CNTN6: variants seen among roughly 807,000 people sequenced by gnomAD.
CNTN6 encodes contactin-6.
CNTN6 carries 137 observed loss-of-function variants against 122.8 expected under a neutral mutation model. The ratio of observed to expected loss-of-function variants is 1.12; its 90% CI spans 0.97 to 1.29. The LOEUF (loss-of-function observed/expected upper bound fraction) is 1.29. CNTN6 is among the 50% of genes most tolerant of loss of function. The pLI is 0.00. For synonymous variants in CNTN6, 570 were observed against 426.0 expected (o/e 1.34, Z -4.16); for missense variants, 1,634 against 1,223.4 (o/e 1.34, Z -5.01).
intron 17 of CNTN6, among the ~76,000 whole-genome samples, chr3:1,380,474 T>C (rs1710501224): frequency 6.6e-6 from 1 of 152,194 alleles, no homozygotes; most frequent in African/African-American, 2.4e-5. Context: ...ATGTGTATAC[T>C]CCCAAATACT....
chr3:1,219,556 C>A (rs983025792), intron 2 of CNTN6, among the ~76,000 whole-genome samples: 1 of 152,098 alleles, frequency 6.6e-6, no homozygotes, highest in Non-Finnish European at 1.5e-5. Context: ...TAGCTCCTAC[C>A]AATACAGGGA....
At chr3:1,367,299 T>C (rs1487358707) in intron 12 of CNTN6, among the ~76,000 whole-genome samples, 1 of 151,956 alleles carries the variant, frequency 6.6e-6, no homozygotes, top group Non-Finnish European at 1.5e-5. Context: ...CATCTCCTCA[T>C]TCCCCATCCC....
intron 10 of CNTN6, 27 bp from the exon 11 acceptor site, chr3:1,329,754 TAAAC>T: frequency 6.3e-7 from 1 of 1,591,236 alleles, no homozygotes; most frequent in Non-Finnish European, 8.6e-7. Context: ...ACTGAGTAAT[TAAAC>T]AATTTTGTCT....
chr3:1,220,200 G>C (rs1364573920), intron 2 of CNTN6, among the ~76,000 whole-genome samples: 1 of 151,682 alleles, frequency 6.6e-6, no homozygotes, highest in Non-Finnish European at 1.5e-5. Flanking sequence ...GCCAGGCATG[G>C]TGGCAGGCAC....
At chr3:1,375,058 A>G (rs1314083350) in intron 16 of CNTN6, among the ~76,000 whole-genome samples, 1 of 152,080 alleles carries the variant, frequency 6.6e-6, no homozygotes, top group Admixed American at 6.6e-5. Flanking sequence ...TACACCCAGC[A>G]TTCTCCATAA....
chr3:1,270,829 C>G (rs2095012283), intron 4 of CNTN6, among the ~76,000 whole-genome samples: 1 of 152,114 alleles, frequency 6.6e-6, no homozygotes, highest in African/African-American at 2.4e-5. Context: ...GATAGAGAGG[C>G]AGTATGGTCT....
chr3:1,326,899 A>T (rs1701617990), intron 9 of CNTN6, among the ~76,000 whole-genome samples: 1 of 151,878 alleles, frequency 6.6e-6, no homozygotes, highest in Non-Finnish European at 1.5e-5. Flanking sequence ...TTATGTCACT[A>T]TGTGCACTCA....
chr3:1,238,572 A>G (rs1308963953), intron 4 of CNTN6, among the ~76,000 whole-genome samples: 1 of 152,196 alleles, frequency 6.6e-6, no homozygotes, highest in African/African-American at 2.4e-5. Context: ...GACTTAAACT[A>G]TATTCTAGAA....
chr3:1,343,504 G>A (rs1047169539), intron 11 of CNTN6, among the ~76,000 whole-genome samples: 1 of 151,918 alleles, frequency 6.6e-6, no homozygotes, highest in African/African-American at 2.4e-5. Context: ...TGACTAAATC[G>A]CTTTCTGTTA....
chr3:1,203,096 C>T (rs1004769274), intron 2 of CNTN6, among the ~76,000 whole-genome samples: 1 of 152,078 alleles, frequency 6.6e-6, no homozygotes. Context: ...TTTTATCAGA[C>T]AATAATTTTA....
intron 7 of CNTN6, among the ~76,000 whole-genome samples, chr3:1,319,552 A>G (rs1700558536): frequency 1.3e-5 from 2 of 151,582 alleles, no homozygotes; most frequent in Non-Finnish European, 3.0e-5. Context: ...TGTCTTCACA[A>G]TCAATATAAA....
chr3:1,309,833 G>A (rs115128194), intron 7 of CNTN6, among the ~76,000 whole-genome samples: 3,791 of 152,176 alleles, frequency 0.025, 165 homozygotes, highest in African/African-American at 0.086. Context: ...TTTTCTGCAT[G>A]TAAATTCTGA....
intron 2 of CNTN6, among the ~76,000 whole-genome samples, chr3:1,194,505 A>G (rs1313899683): frequency 6.6e-6 from 1 of 152,124 alleles, no homozygotes; most frequent in African/African-American, 2.4e-5. Flanking sequence ...TTAATATGCT[A>G]ATAATGTATT....
intron 12 of CNTN6, among the ~76,000 whole-genome samples, chr3:1,359,914 C>G (rs532288782): frequency 6.6e-6 from 1 of 151,966 alleles, no homozygotes; most frequent in Admixed American, 6.6e-5. Context: ...TAGTTTTCTA[C>G]GGACTTGCCA....
At chr3:1,299,462 A>G (rs1000444527) in intron 7 of CNTN6, among the ~76,000 whole-genome samples, 5 of 152,212 alleles carry the variant, frequency 3.3e-5, no homozygotes, top group African/African-American at 9.6e-5. Flanking sequence ...ACAATAAAAT[A>G]ATTGAAAATG....
At chr3:1,329,659 G>A in intron 10 of CNTN6, 126 bp from the exon 11 acceptor site, 1 of 732,378 alleles carries the variant, frequency 1.4e-6, no homozygotes, top group Non-Finnish European at 2.1e-6. Flanking sequence ...AACACCTTGA[G>A]CAAAGTAACC....
chr3:1,278,575 G>A lies in CNTN6; in HGVS notation c.454+67G>A, dbSNP rs1490317830. The A allele has an allele frequency of 2.8e-6, 3 of 1,068,884 alleles. No individual in the cohort carries two copies. The Admixed American group carries it at 6.5e-5, about 23-fold the overall frequency. 66.2% of individuals were successfully genotyped at this position (1,068,884 alleles called of 1,614,324 possible). On this transcript the variant is annotated intron_variant, in intron 5 of 22. Transcript: ENST00000446702. Reference sequence around the variant, plus strand: ...TTGGAGAGTGATGTGAGCACATCAGGTCTTAGGCTCAGTGATCACCTTTTA... The same window carrying A: ...TTGGAGAGTGATGTGAGCACATCAGATCTTAGGCTCAGTGATCACCTTTTA...
At chr3:1,144,883 C>T (rs916838983) in intron 1 of CNTN6, among the ~76,000 whole-genome samples, 5 of 152,052 alleles carry the variant, frequency 3.3e-5, no homozygotes, top group African/African-American at 1.2e-4. Context: ...CTACAGCAAG[C>T]GGGGACTGTT....
chr3:1,372,378 C>A lies in CNTN6; in HGVS notation c.1572C>A (p.Ser524=), dbSNP rs1008119693. 5 of 1,613,116 alleles carry A rather than the reference C, an allele frequency of 3.1e-6. No individual in the cohort carries two copies. The highest frequency in any genetic ancestry group is 4.2e-6 in the Non-Finnish European group (5 of 1,179,344). The part of the protein sequence containing the change: ...GESIVLPCQV[S]HDPSIEVVFV... ...GTATAGTGCTACCATGCCAGGTGTC[C>A]CATGACCCCTCCATTGAAGTGGTAT... The change falls in exon 13 of 23, where the codon TCC becomes TCA. Residue 524 remains serine (S), a synonymous_variant. Transcript: ENST00000446702.
Sources: gnomAD v4.1 joint callset for allele counts (sites outside exome capture counted in the v4.1 genomes callset) on GRCh38, gnomAD v4.1.1 for gene constraint, MANE v1.5 for transcripts, NCBI Gene and HGNC (gene_info 2026-07-23, HGNC 2026-07-21) for gene names.